Variants in PTK7 observed in about 807,000 individuals in gnomAD.
PTK7 encodes the protein inactive tyrosine-protein kinase 7.
In PTK7, 39 loss-of-function variants were observed where a neutral mutation model predicts 116.6. That is an observed-to-expected ratio of 0.33 (90% confidence interval 0.26 to 0.44). The LOEUF is 0.44. Among genes scored for constraint, PTK7 ranks in the 20% least tolerant of loss-of-function variants. The pLI, the probability that PTK7 is intolerant of heterozygous loss-of-function variation, is 1.00. For missense variants in PTK7, 1,169 were observed against 1,425.6 expected (o/e 0.82, Z 2.90); for synonymous variants, 546 against 563.6 (o/e 0.97, Z 0.44).
chr6:43,087,191 C>T (rs952200838), intron 1 of PTK7, among the ~76,000 whole-genome samples: 2 of 151,750 alleles, frequency 1.3e-5, no homozygotes, highest in African/African-American at 2.4e-5. Flanking sequence ...TTACTGTACC[C>T]ACCCCACATT....
Position 43,128,986 on chromosome 6 carries a change from C to A in PTK7, c.89C>A (p.Thr30Lys). 6.2e-7 allele frequency: 1 copy of A among 1,606,210 alleles called. No homozygotes were observed. Among genetic ancestry groups the A allele is most frequent in the Admixed American group, 1.7e-5 (1 of 59,618 alleles). ...CTGTTTGCATCTACAGGTACCCAGACAGCCATTGTCTTCATCAAGCAGCCG... is the reference window on the plus strand; with the variant it reads ...CTGTTTGCATCTACAGGTACCCAGAAAGCCATTGTCTTCATCAAGCAGCCG... ...LLLPLLGGTQ[T>K]AIVFIKQPSS... Residue 30 changes from threonine (T) to lysine (K), a missense_variant, in exon 2 of 20, where the codon ACA (threonine) becomes AAA (lysine). Transcript: ENST00000230419.
At chr6:43,140,070 T>G (rs1170665661) in intron 10 of PTK7, among the ~76,000 whole-genome samples, 1 of 152,084 alleles carries the variant, frequency 6.6e-6, no homozygotes, top group African/African-American at 2.4e-5. Context: ...GCCGAGATCA[T>G]GCCATTGCAC....
chr6:43,093,250 C>T (rs1162378546), intron 1 of PTK7, among the ~76,000 whole-genome samples: 1 of 137,758 alleles, frequency 7.3e-6, no homozygotes, highest in Non-Finnish European at 1.5e-5. Flanking sequence ...AGTGCAACGG[C>T]ACAATCTCAG....
chr6:43,104,697 G>T (rs140192601), intron 1 of PTK7, among the ~76,000 whole-genome samples: 38 of 152,188 alleles, frequency 2.5e-4, no homozygotes, highest in Admixed American at 2.3e-3. Flanking sequence ...CAGAGTGCTG[G>T]GATTACAGGT....
At chr6:43,146,730 G>A (rs1441279598) in intron 17 of PTK7, 32 bp downstream of exon 17, 2 of 1,590,496 alleles carry the variant, frequency 1.3e-6, no homozygotes, top group East Asian at 4.5e-5. Context: ...GGGAGGGAGA[G>A]GGTGCCCAGG....
intron 17 of PTK7, among the ~76,000 whole-genome samples, chr6:43,157,379 T>TTTTTTC (rs1771564221): frequency 9.9e-6 from 1 of 100,890 alleles, no homozygotes; most frequent in Admixed American, 1.0e-4. Flanking sequence ...TTTTTTTCTT[T>TTTTTTC]TTTTTTTTTT....
chr6:43,144,739 A>T, intron 15 of PTK7, 133 bp downstream of exon 15: 1 of 1,178,728 alleles, frequency 8.5e-7, no homozygotes, highest in Non-Finnish European at 1.2e-6. Context: ...ATAGGTAGAG[A>T]TCTAGCCCAG....
intron 1 of PTK7, among the ~76,000 whole-genome samples, chr6:43,127,824 G>C (rs936539620): frequency 7.2e-5 from 11 of 152,162 alleles, no homozygotes; most frequent in Non-Finnish European, 1.5e-5. Flanking sequence ...AGCTACTCGG[G>C]AGGCTGAGGC....
At chr6:43,159,356 G>T (rs1444731935) in intron 18 of PTK7, among the ~76,000 whole-genome samples, 1 of 152,112 alleles carries the variant, frequency 6.6e-6, no homozygotes, top group African/African-American at 2.4e-5. Flanking sequence ...GACAGCCTAC[G>T]AGGGCTCTGC....
intron 1 of PTK7, among the ~76,000 whole-genome samples, chr6:43,107,776 C>T (rs1229102858): frequency 1.3e-5 from 2 of 152,180 alleles, no homozygotes; most frequent in Admixed American, 6.5e-5. Context: ...TGGGATAATG[C>T]GACCAAATTA....
chr6:43,087,160 G>T (rs1317250867), intron 1 of PTK7, among the ~76,000 whole-genome samples: 3 of 152,200 alleles, frequency 2.0e-5, no homozygotes, highest in African/African-American at 7.2e-5. Context: ...AATAGGAGAA[G>T]CCGGTGAGGG....
Position 43,139,008 on chromosome 6 carries a change from G to A in PTK7, c.1362+26G>A, listed in dbSNP as rs1482536577. 6.8e-6 allele frequency: 11 copies of A among 1,610,810 alleles called. No individual in the cohort carries two copies. The highest frequency in any genetic ancestry group is 9.3e-6 in the Non-Finnish European group (11 of 1,177,756). ...GTGAGAAAGAAGAGTGTTGCTAGTGGATGGGCGGGGCCTTCCCTCCACTTG... is the reference window on the plus strand; with the variant it reads ...GTGAGAAAGAAGAGTGTTGCTAGTGAATGGGCGGGGCCTTCCCTCCACTTG... On this transcript the variant is annotated intron_variant, in intron 8 of 19. Transcript: ENST00000230419. The surrounding 1 kb of genome is among the most constrained non-coding windows in gnomAD (Gnocchi z 4.6).
Position 43,130,410 on chromosome 6 carries a change from G to A in PTK7, c.651G>A (p.Leu217=). The A allele has an allele frequency of 6.2e-7, 1 of 1,606,136 alleles. No homozygotes were observed. The highest frequency in any genetic ancestry group is 8.5e-7 in the Non-Finnish European group (1 of 1,174,122). Reference sequence around the variant, plus strand: ...CTTGCAGCAGCCAGAACTTCACCTTGAGCATTGCTGGTGAGCCTGGGGTGG... The same window carrying A: ...CTTGCAGCAGCCAGAACTTCACCTTAAGCATTGCTGGTGAGCCTGGGGTGG... The part of the protein sequence containing the change: ...GQACSSQNFT[L]SIADESFARV... Residue 217 remains leucine, a synonymous_variant, in exon 4 of 20, where the codon TTG becomes TTA. Coordinates refer to ENST00000230419, the MANE Select transcript of PTK7 (RefSeq NM_002821.5).
chr6:43,093,548 G>GGA (rs780727789), intron 1 of PTK7, among the ~76,000 whole-genome samples: 14 of 152,108 alleles, frequency 9.2e-5, no homozygotes, highest in Non-Finnish European at 1.8e-4. Flanking sequence ...CAGGCAGGCA[G>GGA]GAGACGGACA....
At chr6:43,126,493 C>CT (rs778317901) in intron 1 of PTK7, among the ~76,000 whole-genome samples, 1 of 152,230 alleles carries the variant, frequency 6.6e-6, no homozygotes, top group East Asian at 1.9e-4. Context: ...GCAGTGCTTG[C>CT]TGGGTGCCTT....
chr6:43,118,659 CTATA>C (rs58935341), intron 1 of PTK7, among the ~76,000 whole-genome samples: 2,179 of 52,580 alleles, frequency 0.041, 49 homozygotes, highest in African/African-American at 0.056. Context: ...CTCTCTCTCT[CTATA>C]TATATATATA....
At chr6:43,128,045 T>C (rs1201722854) in intron 1 of PTK7, among the ~76,000 whole-genome samples, 3 of 152,220 alleles carry the variant, frequency 2.0e-5, no homozygotes, top group Non-Finnish European at 2.9e-5. Flanking sequence ...AAGAAGCGTC[T>C]GGGAAACGTT....
intron 1 of PTK7, among the ~76,000 whole-genome samples, chr6:43,109,841 G>A (rs1768092815): frequency 1.3e-5 from 2 of 151,692 alleles, no homozygotes; most frequent in South Asian, 4.2e-4. Context: ...TGGGACTACA[G>A]GTGCCCACGA....
intron 7 of PTK7, among the ~76,000 whole-genome samples, chr6:43,137,904 T>A (rs899663727): frequency 6.6e-6 from 1 of 152,176 alleles, no homozygotes. Context: ...CCTCCCAGGT[T>A]CAAGCGATTC....
Sources: gnomAD v4.1 joint callset for allele counts (sites outside exome capture counted in the v4.1 genomes callset) on GRCh38, gnomAD v4.1.1 for gene constraint, Gnocchi (gnomAD v3.1) non-coding constraint, MANE v1.5 for transcripts, NCBI Gene and HGNC (gene_info 2026-07-23, HGNC 2026-07-21) for gene names.